The following SORCS2 variants were observed in gnomAD, a reference collection of about 807,000 sequenced individuals.
The protein encoded by SORCS2 is sortilin related VPS10 domain containing receptor 2.
SORCS2 carries 100 observed loss-of-function variants against 141.6 expected under a neutral mutation model. The ratio of observed to expected loss-of-function variants is 0.71; its 90% CI spans 0.60 to 0.83. The LOEUF (loss-of-function observed/expected upper bound fraction) is 0.83. Ranked by LOEUF, SORCS2 falls within the 40% of genes least tolerant of loss-of-function variation. SORCS2 has a pLI of 0.00. For synonymous variants in SORCS2, 789 were observed against 676.9 expected (o/e 1.17, Z -2.57); for missense variants, 1,646 against 1,560.2 (o/e 1.05, Z -0.93).
chr4:7,301,855 T>C (rs1717455283), intron 1 of SORCS2, among the ~76,000 whole-genome samples: 1 of 152,212 alleles, frequency 6.6e-6, no homozygotes, highest in Non-Finnish European at 1.5e-5. Flanking sequence ...AAGGTTCCGT[T>C]CTCCTGCAGG....
rs552544719 is a variant in SORCS2 at position 7,356,759 on chromosome 4, T to C, written c.481-39529T>C. ...GGCCTGGCTGTCCTGTTCAAAGCCA[T>C]GTCTTCAGAGCCTTACAGGGCACCT... On this transcript the variant is annotated intron_variant, in intron 1 of 26. Transcript: ENST00000507866. Among the ~76,000 whole-genome samples, 120 of 152,362 alleles carry C rather than the reference T, an allele frequency of 7.9e-4. 1 individual carries two copies. In the South Asian group the frequency reaches 0.02, roughly 25 times the overall value.
intron 15 of SORCS2, 55 bp from the exon 16 acceptor site, chr4:7,714,185 T>C (rs1053426197): frequency 1.9e-6 from 3 of 1,573,064 alleles, no homozygotes; most frequent in Middle Eastern, 1.7e-4. Context: ...CACAAGGCCT[T>C]GTAGAGCAGT....
At chr4:7,712,679 G>C in intron 14 of SORCS2, 54 bp from the exon 15 acceptor site, 4 of 1,611,134 alleles carry the variant, frequency 2.5e-6, no homozygotes, top group Non-Finnish European at 3.4e-6. Context: ...TGCACAGTAG[G>C]ACAAGGCCTA....
intron 3 of SORCS2, among the ~76,000 whole-genome samples, chr4:7,565,835 ATGGTGATGGTGATGATGG>A (rs1714944450): frequency 2.5e-5 from 2 of 78,746 alleles, no homozygotes; most frequent in South Asian, 1.3e-3. Flanking sequence ...GGTGATGATG[ATGGTGATGGTGATGATGG>A]TGATGATGGT....
At chr4:7,305,347 C>T (rs1433015793) in intron 1 of SORCS2, among the ~76,000 whole-genome samples, 2 of 133,028 alleles carry the variant, frequency 1.5e-5, no homozygotes, top group African/African-American at 5.3e-5. Context: ...GGCTCTTGTC[C>T]CATTTCTACT....
chr4:7,307,080 A>G (rs1717883815), intron 1 of SORCS2, among the ~76,000 whole-genome samples: 1 of 152,152 alleles, frequency 6.6e-6, no homozygotes, highest in Non-Finnish European at 1.5e-5. Flanking sequence ...GATTGGGAGA[A>G]ACCGAGGCTG....
intron 1 of SORCS2, among the ~76,000 whole-genome samples, chr4:7,303,601 C>G (rs1273333336): frequency 6.6e-6 from 1 of 152,218 alleles, no homozygotes; most frequent in East Asian, 1.9e-4. Flanking sequence ...TGGTGATGGT[C>G]TTGGCACCCT....
chr4:7,470,336 T>A (rs1175424229), intron 2 of SORCS2, among the ~76,000 whole-genome samples: 1 of 151,388 alleles, frequency 6.6e-6, no homozygotes, highest in East Asian at 1.9e-4. Context: ...CACCCACACA[T>A]CCATCCTCTC....
intron 1 of SORCS2, among the ~76,000 whole-genome samples, chr4:7,283,584 C>T (rs970868887): frequency 2.0e-5 from 3 of 152,178 alleles, no homozygotes; most frequent in African/African-American, 2.4e-5. Context: ...CATTTGATTT[C>T]GGCCACTGCT....
chr4:7,649,788 C>T (rs1167941235), intron 4 of SORCS2, among the ~76,000 whole-genome samples: 3 of 152,164 alleles, frequency 2.0e-5, no homozygotes. Context: ...TGAGATTCTG[C>T]ACATCCTTCT....
chr4:7,682,547 T>G (rs1369579333), intron 9 of SORCS2, among the ~76,000 whole-genome samples, 196 bp from the exon 10 acceptor site: 1 of 152,186 alleles, frequency 6.6e-6, no homozygotes, highest in Non-Finnish European at 1.5e-5. Context: ...CCACTAAAAC[T>G]GGGGCCAGAG....
Position 7,397,427 on chromosome 4 carries a change from C to T in SORCS2, c.548+1072C>T, listed in dbSNP as rs565908594. ...CACAGTCCCCCGAGTAGTCCTCAGC[C>T]GCTCCCAGCAAAAACGCTTTTCCTA... On this transcript the variant is annotated intron_variant, in intron 2 of 26. Coordinates refer to ENST00000507866, the MANE Select transcript of SORCS2 (RefSeq NM_020777.3). Among the ~76,000 whole-genome samples the T allele has an allele frequency of 2.6e-5, 4 of 151,994 alleles. No individual in the cohort carries two copies. In the East Asian group the frequency reaches 7.8e-4, roughly 30 times the overall value.
At chr4:7,725,122 C>A in intron 19 of SORCS2, 32 bp from the exon 20 acceptor site, 1 of 1,607,028 alleles carries the variant, frequency 6.2e-7, no homozygotes, top group South Asian at 1.1e-5. Flanking sequence ...GCCCTGATAT[C>A]ATCTAACCCT....
chr4:7,398,872 C>T (rs1236723906), intron 2 of SORCS2, among the ~76,000 whole-genome samples: 1 of 152,126 alleles, frequency 6.6e-6, no homozygotes, highest in Non-Finnish European at 1.5e-5. Context: ...GAATCAGTTA[C>T]ATGACTGAGC....
At chr4:7,641,588 G>A (rs1720729783) in intron 4 of SORCS2, among the ~76,000 whole-genome samples, 1 of 152,196 alleles carries the variant, frequency 6.6e-6, no homozygotes, top group South Asian at 2.1e-4. Flanking sequence ...CCCAATACAT[G>A]CAATTGGGGT....
chr4:7,280,680 C>T (rs1280258842), intron 1 of SORCS2, among the ~76,000 whole-genome samples: 6 of 152,188 alleles, frequency 3.9e-5, no homozygotes, highest in Non-Finnish European at 8.8e-5. Flanking sequence ...CAATGAATGA[C>T]AGTTCTTTTT....
chr4:7,363,430 A>G (rs914676700), intron 1 of SORCS2, among the ~76,000 whole-genome samples: 2 of 145,344 alleles, frequency 1.4e-5, no homozygotes, highest in African/African-American at 2.8e-5. Context: ...CATCACCATT[A>G]TCATCACCAT....
chr4:7,542,009 C>T (rs779960857), intron 3 of SORCS2, among the ~76,000 whole-genome samples: 1 of 152,206 alleles, frequency 6.6e-6, no homozygotes, highest in Non-Finnish European at 1.5e-5. Flanking sequence ...CTTTTTGGCC[C>T]CATTCCCCTT....
At chr4:7,430,054 C>T (rs560380717) in intron 2 of SORCS2, among the ~76,000 whole-genome samples, 8 of 152,178 alleles carry the variant, frequency 5.3e-5, no homozygotes, top group South Asian at 2.1e-4. Context: ...TTTCCAGGCC[C>T]GCTTCTCGTT....
Sources: gnomAD v4.1 joint callset for allele counts (sites outside exome capture counted in the v4.1 genomes callset) on GRCh38, gnomAD v4.1.1 for gene constraint, MANE v1.5 for transcripts, NCBI Gene and HGNC (gene_info 2026-07-23, HGNC 2026-07-21) for gene names.